Variants in TBRG1 observed in about 807,000 individuals in gnomAD.
TBRG1 encodes the protein transforming growth factor beta regulator 1, also known as nuclear interactor of ARF and MDM2.
TBRG1 carries 31 observed loss-of-function variants against 44.0 expected under a neutral mutation model. The ratio of observed to expected loss-of-function variants is 0.70; its 90% CI spans 0.53 to 0.95. The LOEUF is 0.95. Ranked by LOEUF, TBRG1 falls within the 40% of genes least tolerant of loss-of-function variation. TBRG1 has a pLI of 0.00. For synonymous variants in TBRG1, 171 were observed against 188.1 expected (o/e 0.91, Z 0.74); for missense variants, 487 against 496.1 (o/e 0.98, Z 0.18).
At chr11:124,624,792 T>C in intron 1 of TBRG1, 139 bp from the exon 2 acceptor site, 1 of 642,442 alleles carries the variant, frequency 1.6e-6, no homozygotes, top group East Asian at 2.8e-5. Flanking sequence ...GATTTATTTA[T>C]AGTTTGTCAC....
rs565345290 is a variant in TBRG1 at position 124,632,021 on chromosome 11, G to A, written c.1091-72G>A. On this transcript the variant is annotated intron_variant, in intron 8 of 8. Transcript: ENST00000441174. ...GTTAAGGAATTGATTGAAAGGACAT[G>A]TATATGTCTGACCAAAACAGTCTGC... The A allele has an allele frequency of 1.1e-5, 15 of 1,357,812 alleles. No individual in the cohort carries two copies. In the East Asian group the frequency reaches 1.4e-4, roughly 12 times the overall value. The allele number at this position is 1,357,812 out of a possible 1,614,324, so 84.1% of individuals were successfully genotyped here.
intron 7 of TBRG1, 36 bp downstream of exon 7, chr11:124,630,891 TCA>T (rs1204139126): frequency 7.2e-7 from 1 of 1,391,532 alleles, no homozygotes; most frequent in Middle Eastern, 1.8e-4. Flanking sequence ...TGAGAAAAGC[TCA>T]GTGATCATCC....
chr11:124,629,857 T>C (rs1419183936), intron 5 of TBRG1: 1 of 153,116 alleles, frequency 6.5e-6, no homozygotes, highest in African/African-American at 2.4e-5. Flanking sequence ...TTAAATCAGC[T>C]AGTTAACTTG....
At position 124,635,422 on chromosome 11, in the gene TBRG1, A is replaced by G. The variant is rs1268050763; in HGVS notation, c.*3184A>G. On this transcript the variant is annotated 3_prime_UTR_variant, in exon 9 of 9. Coordinates refer to ENST00000441174, the MANE Select transcript of TBRG1 (RefSeq NM_032811.3). The stretch of plus-strand genomic sequence containing the variant: ...TATTCCTGCTGTTTGGAGCTACACC[A>G]GAACCCCTTGGAACTCTACAGAGGG... 6.6e-6 allele frequency: 1 copy of G among 152,210 alleles called. No homozygotes were observed. Among genetic ancestry groups the G allele is most frequent in the African/African-American group, 2.4e-5 (1 of 41,450 alleles). 9.4% of individuals were successfully genotyped at this position (152,210 alleles called of 1,614,324 possible).
chr11:124,624,354 C>T (rs1451703426), intron 1 of TBRG1, among the ~76,000 whole-genome samples: 1 of 100,146 alleles, frequency 1.0e-5, no homozygotes, highest in African/African-American at 4.1e-5. Context: ...TAGATTGAGT[C>T]ATCATTTACA....
chr11:124,628,099 A>G (rs1942518960), intron 5 of TBRG1, among the ~76,000 whole-genome samples: 1 of 64,914 alleles, frequency 1.5e-5, no homozygotes, highest in East Asian at 3.7e-4. Context: ...ATATATATAT[A>G]TATATATATA....
At chr11:124,631,082 G>A (rs906978807) in intron 7 of TBRG1, 193 bp from the exon 8 acceptor site, 3 of 644,036 alleles carry the variant, frequency 4.7e-6, no homozygotes, top group African/African-American at 1.8e-5. Flanking sequence ...ACAGCAAAAG[G>A]GGTGGGAAAT....
chr11:124,629,586 A>C (rs1176676048), intron 5 of TBRG1, among the ~76,000 whole-genome samples: 1 of 152,202 alleles, frequency 6.6e-6, no homozygotes, highest in African/African-American at 2.4e-5. Flanking sequence ...GAAAACTAAC[A>C]GTAGTGGAAA....
At chr11:124,630,602 C>A in intron 6 of TBRG1, 117 bp downstream of exon 6, 1 of 1,033,660 alleles carries the variant, frequency 9.7e-7, no homozygotes, top group Non-Finnish European at 1.5e-6. Flanking sequence ...ATCCTGGATC[C>A]TCCTGACATT....
intron 3 of TBRG1, 149 bp downstream of exon 3, chr11:124,626,052 A>G: frequency 8.3e-7 from 1 of 1,198,506 alleles, no homozygotes; most frequent in Middle Eastern, 2.7e-4. Flanking sequence ...TGAGAAAACA[A>G]ATGTCAAATG....
chr11:124,624,132 A>T (rs531959514), intron 1 of TBRG1, among the ~76,000 whole-genome samples: 77 of 152,228 alleles, frequency 5.1e-4, no homozygotes, highest in Non-Finnish European at 7.6e-4. Context: ...AGAACTTAGC[A>T]TCTGATTGAC....
intron 7 of TBRG1, 67 bp downstream of exon 7, chr11:124,630,922 C>A: frequency 1.7e-6 from 2 of 1,175,982 alleles, no homozygotes; most frequent in Non-Finnish European, 2.5e-6. Flanking sequence ...ACTGGCAGTT[C>A]CTACTTTGTT....
chr11:124,625,626 C>CAA (rs1268695523), intron 2 of TBRG1, 45 bp from the exon 3 acceptor site: 8 of 1,513,996 alleles, frequency 5.3e-6, no homozygotes, highest in Non-Finnish European at 7.1e-6. Flanking sequence ...TGAATTGAGA[C>CAA]AATACGGAAG....
chr11:124,632,401 A>ACCACAG lies in TBRG1; in HGVS notation c.*163_*164insCCACAG. On this transcript the variant is annotated 3_prime_UTR_variant, in exon 9 of 9. Coordinates refer to ENST00000441174, the MANE Select transcript of TBRG1 (RefSeq NM_032811.3). ...GATGGTTTTCCCTGGGAAAACCTTC[A>ACCACAG]GCTGCTTTATTTTTAGTAATAAATT... is the stretch of plus-strand genomic sequence containing the variant. 1 of 526,834 alleles carries ACCACAG rather than the reference A, an allele frequency of 1.9e-6. No individual in the cohort carries two copies. The allele number at this position is 526,834 out of a possible 1,614,324, so 32.6% of individuals were successfully genotyped here. A position where few individuals can be genotyped will look rare whatever the true frequency, so the allele number is the denominator to read the frequency against.
chr11:124,625,451 C>T (rs535205138), intron 2 of TBRG1, among the ~76,000 whole-genome samples: 5 of 152,330 alleles, frequency 3.3e-5, no homozygotes, highest in East Asian at 3.9e-4. Flanking sequence ...GTAGAGGAAC[C>T]GTCCAGATGC....
intron 5 of TBRG1, among the ~76,000 whole-genome samples, chr11:124,628,733 T>C (rs10893279): frequency 0.16 from 23,920 of 152,004 alleles, 2,215 homozygotes; most frequent in Non-Finnish European, 0.21. Flanking sequence ...ATTGGTAGTC[T>C]TCTGGGAGGG....
At chr11:124,624,807 T>C (rs1565398455) in intron 1 of TBRG1, 124 bp from the exon 2 acceptor site, 1 of 680,932 alleles carries the variant, frequency 1.5e-6, no homozygotes, top group Non-Finnish European at 2.6e-6. Flanking sequence ...TGTCACACGG[T>C]CGAATAGCTC....
Position 124,632,114 on chromosome 11 carries a change from T to C in TBRG1, c.1112T>C (p.Leu371Pro), listed in dbSNP as rs759972383. ...LLPGSLDLPE[L>P]QPAAFVSSYQ... ...CCAGGATCCTTGGACCTCCCAGAGC[T>C]TCAGCCTGCAGCCTTTGTGTCTTCT... Residue 371 changes from leucine to proline, a missense_variant, in exon 9 of 9, where the codon CTT (leucine) becomes CCT (proline). Physicochemically the swap from Leu to Pro is moderately conservative, Grantham distance 98. Coordinates refer to ENST00000441174, the MANE Select transcript of TBRG1 (RefSeq NM_032811.3). 6.2e-7 allele frequency: 1 copy of C among 1,613,664 alleles called. No homozygotes were observed. Among genetic ancestry groups the C allele is most frequent in the Non-Finnish European group, 8.5e-7 (1 of 1,179,666 alleles).
Position 124,627,070 on chromosome 11 carries a change from C to A in TBRG1, c.738+20C>A. 6.8e-7 allele frequency: 1 copy of A among 1,461,806 alleles called. No individual in the cohort carries two copies. Among genetic ancestry groups the A allele is most frequent in the Non-Finnish European group, 9.4e-7 (1 of 1,065,224 alleles). The allele number at this position is 1,461,806 out of a possible 1,614,324, so 90.6% of individuals were successfully genotyped here. ...CCTCAGGTACCCCCTCTAATAATAA[C>A]CACTGTTTGTCTTTAGAACCTTCTC... On this transcript the variant is annotated intron_variant, in intron 5 of 8. Transcript: ENST00000441174.
Sources: allele counts gnomAD v4.1 joint callset (sites outside exome capture counted in the v4.1 genomes callset), GRCh38; gene constraint gnomAD v4.1.1; transcripts MANE v1.5; gene names NCBI Gene and HGNC (gene_info 2026-07-23, HGNC 2026-07-21).